Variants in ANKRD17 observed in about 807,000 individuals in gnomAD.
ANKRD17 encodes ankyrin repeat domain-containing protein 17.
ANKRD17 carries 19 observed loss-of-function variants against 229.7 expected under a neutral mutation model. The ratio of observed to expected loss-of-function variants is 0.08; its 90% CI spans 0.06 to 0.12. The LOEUF is 0.12. Among genes scored for constraint, ANKRD17 ranks in the 10% least tolerant of loss-of-function variants. The pLI is 1.00. For synonymous variants in ANKRD17, 1,112 were observed against 1,146.1 expected (o/e 0.97, Z 0.60); for missense variants, 2,176 against 3,176.8 (o/e 0.68, Z 7.57).
chr4:73,241,063 G>A (rs763778465), intron 1 of ANKRD17, among the ~76,000 whole-genome samples: 9 of 151,822 alleles, frequency 5.9e-5, no homozygotes, highest in Non-Finnish European at 1.0e-4. Context: ...CGCCCACCTC[G>A]GCTTCCCAAA....
At chr4:73,148,132 C>A (rs2148851086) in intron 8 of ANKRD17, among the ~76,000 whole-genome samples, 1 of 152,248 alleles carries the variant, frequency 6.6e-6, no homozygotes, top group East Asian at 1.9e-4. Flanking sequence ...TGCTCCAAAA[C>A]CTACGCTTTA....
chr4:73,216,460 C>G (rs529923431), intron 1 of ANKRD17, among the ~76,000 whole-genome samples: 3 of 152,136 alleles, frequency 2.0e-5, no homozygotes, highest in Non-Finnish European at 4.4e-5. Flanking sequence ...TAATCCCTGA[C>G]GCTCAAATTT....
intron 1 of ANKRD17, among the ~76,000 whole-genome samples, chr4:73,240,292 G>A (rs1743898240): frequency 6.6e-6 from 1 of 152,022 alleles, no homozygotes; most frequent in Admixed American, 6.6e-5. Context: ...AGCCTGTTTA[G>A]AGGTTTAAGC....
chr4:73,105,626 T>A (rs1341035058), intron 24 of ANKRD17, among the ~76,000 whole-genome samples: 1 of 151,778 alleles, frequency 6.6e-6, no homozygotes, highest in South Asian at 2.1e-4. Context: ...AAATAAAATT[T>A]AAAAAAAAGA....
At chr4:73,249,145 T>TA (rs1259620585) in intron 1 of ANKRD17, among the ~76,000 whole-genome samples, 2 of 152,212 alleles carry the variant, frequency 1.3e-5, no homozygotes, top group Non-Finnish European at 2.9e-5. Context: ...TTTCCATAGA[T>TA]ACTTCCAAAA....
Position 73,102,699 on chromosome 4 carries a change from C to G in ANKRD17, c.4402-152G>C, listed in dbSNP as rs534154913. The G allele has an allele frequency of 2.9e-5, 24 of 818,162 alleles. No homozygotes were observed. The Admixed American group carries it at 6.5e-4, about 22-fold the overall frequency. 50.7% of individuals were successfully genotyped at this position (818,162 alleles called of 1,614,324 possible). On this transcript the variant is annotated intron_variant, in intron 24 of 33. Coordinates refer to ENST00000358602, the MANE Select transcript of ANKRD17 (RefSeq NM_032217.5). ...TTGTTTTATCAAGATCATATTCAAACCACTCTAAAGAGACAATATTTTTAC... is the reference window on the plus strand; with the variant it reads ...TTGTTTTATCAAGATCATATTCAAAGCACTCTAAAGAGACAATATTTTTAC...
chr4:73,160,952 CTTA>C (rs1253763307), intron 3 of ANKRD17, among the ~76,000 whole-genome samples: 2 of 152,146 alleles, frequency 1.3e-5, no homozygotes, highest in Non-Finnish European at 2.9e-5. Context: ...TGCTCTGCCA[CTTA>C]TTATCTATTT....
At chr4:73,247,922 C>A (rs944056093) in intron 1 of ANKRD17, among the ~76,000 whole-genome samples, 29 of 151,542 alleles carry the variant, frequency 1.9e-4, no homozygotes, top group Non-Finnish European at 3.7e-4. Context: ...TTTTTCTATT[C>A]TTTAGATCTT....
intron 2 of ANKRD17, among the ~76,000 whole-genome samples, chr4:73,162,982 T>A (rs755453777): frequency 4.0e-5 from 6 of 151,858 alleles, no homozygotes; most frequent in Non-Finnish European, 7.4e-5. Flanking sequence ...CTTTGGCCTC[T>A]TAAGCACCTG....
intron 1 of ANKRD17, among the ~76,000 whole-genome samples, chr4:73,202,419 C>G (rs1335725167): frequency 7.0e-6 from 1 of 142,800 alleles, no homozygotes; most frequent in African/African-American, 2.6e-5. Context: ...GCAGCTAAAA[C>G]GTGGGGGCAG....
At chr4:73,214,619 A>G (rs1262503370) in intron 1 of ANKRD17, among the ~76,000 whole-genome samples, 2 of 151,816 alleles carry the variant, frequency 1.3e-5, no homozygotes, top group Non-Finnish European at 2.9e-5. Flanking sequence ...TCTTCTCTGC[A>G]TGCACTCACA....
chr4:73,135,417 T>A (rs1378991315), intron 15 of ANKRD17, 152 bp from the exon 16 acceptor site: 3 of 638,162 alleles, frequency 4.7e-6, no homozygotes, highest in Non-Finnish European at 7.3e-6. Flanking sequence ...TGGTTATTAT[T>A]CACTGATGAC....
chr4:73,085,632 T>C (rs1722036996), intron 29 of ANKRD17, among the ~76,000 whole-genome samples, 186 bp from the exon 30 acceptor site: 2 of 150,120 alleles, frequency 1.3e-5, no homozygotes, highest in South Asian at 4.2e-4. Context: ...GAGGACTGCT[T>C]ATGGCCAGGC....
chr4:73,097,193 GAGA>G lies in ANKRD17; in HGVS notation c.5098_5100del (p.Ser1700del). On this transcript the variant is annotated inframe_deletion, in exon 27 of 34. Coordinates refer to ENST00000358602, the MANE Select transcript of ANKRD17 (RefSeq NM_032217.5). ...CTTGCTACTGTTAACTTCCCATTTG[GAGA>G]AGAAAGGGGAGATGGACCAGATTTT... 1 of 1,612,260 alleles carries G rather than the reference GAGA, an allele frequency of 6.2e-7. No homozygotes were observed. The highest frequency in any genetic ancestry group is 8.5e-7 in the Non-Finnish European group (1 of 1,179,240).
chr4:73,166,959 TG>T (rs1200714264), intron 2 of ANKRD17, among the ~76,000 whole-genome samples: 1 of 152,152 alleles, frequency 6.6e-6, no homozygotes, highest in African/African-American at 2.4e-5. Context: ...GACAGGATAC[TG>T]GCAATATTAA....
intron 1 of ANKRD17, among the ~76,000 whole-genome samples, chr4:73,208,894 G>C (rs548373414): frequency 1.4e-4 from 22 of 152,128 alleles, no homozygotes; most frequent in Admixed American, 4.6e-4. Flanking sequence ...GAAAAAATAA[G>C]AGCAGAAATC....
At chr4:73,236,581 G>A (rs1022555761) in intron 1 of ANKRD17, among the ~76,000 whole-genome samples, 1 of 151,944 alleles carries the variant, frequency 6.6e-6, no homozygotes, top group African/African-American at 2.4e-5. Flanking sequence ...TGTTGGAGGA[G>A]AATAGGTCTA....
chr4:73,156,441 G>A (rs995064221), intron 3 of ANKRD17, among the ~76,000 whole-genome samples: 5 of 152,132 alleles, frequency 3.3e-5, no homozygotes, highest in African/African-American at 4.8e-5. Context: ...AATCTTGACA[G>A]TTAATATGGT....
At chr4:73,226,120 C>T (rs1413814343) in intron 1 of ANKRD17, among the ~76,000 whole-genome samples, 3 of 150,974 alleles carry the variant, frequency 2.0e-5, no homozygotes, top group Non-Finnish European at 4.4e-5. Context: ...GGACTACAGG[C>T]GCGTGCCACC....
Sources: gnomAD v4.1 joint callset for allele counts (sites outside exome capture counted in the v4.1 genomes callset) on GRCh38, gnomAD v4.1.1 for gene constraint, MANE v1.5 for transcripts, NCBI Gene and HGNC (gene_info 2026-07-23, HGNC 2026-07-21) for gene names.